Variants in CALN1 observed in about 807,000 individuals in gnomAD.
CALN1 encodes calneuron 1, also known as calcium-binding protein 8.
Under a neutral mutation model 30.6 loss-of-function variants are expected in CALN1, and 17 were observed. The observed-to-expected ratio is 0.56, with a 90% CI of 0.38 to 0.83. The LOEUF (loss-of-function observed/expected upper bound fraction) is 0.83. Ranked by LOEUF, CALN1 falls within the 40% of genes least tolerant of loss-of-function variation. CALN1 has a pLI of 0.00. For missense variants in CALN1, 291 were observed against 354.9 expected, an observed-to-expected ratio of 0.82 and a Z score of 1.45; for synonymous variants, 156 against 131.4, an observed-to-expected ratio of 1.19 and a Z score of -1.28.
intron 3 of CALN1, among the ~76,000 whole-genome samples, chr7:72,151,977 C>T (rs1041748293): frequency 2.1e-5 from 3 of 144,966 alleles, no homozygotes; most frequent in Non-Finnish European, 4.5e-5. Context: ...GGCGTGATTT[C>T]GGCTCACTGT....
intron 4 of CALN1, among the ~76,000 whole-genome samples, chr7:72,095,337 C>T (rs1806148131): frequency 1.3e-5 from 2 of 152,062 alleles, no homozygotes; most frequent in African/African-American, 4.8e-5. Context: ...TTATTGGGGT[C>T]CTGGTGAGCA....
At chr7:72,111,018 T>C (rs1056085956) in intron 3 of CALN1, among the ~76,000 whole-genome samples, 1 of 152,208 alleles carries the variant, frequency 6.6e-6, no homozygotes, top group Non-Finnish European at 1.5e-5. Flanking sequence ...AGTAATGTTG[T>C]GTGCTTTTCA....
chr7:72,254,363 G>A (rs1795769818), intron 3 of CALN1, among the ~76,000 whole-genome samples: 1 of 152,120 alleles, frequency 6.6e-6, no homozygotes, highest in Non-Finnish European at 1.5e-5. Flanking sequence ...GATTGTTTGA[G>A]TGTACTTGAT....
chr7:72,200,907 C>T (rs1791372513), intron 3 of CALN1, among the ~76,000 whole-genome samples: 1 of 152,168 alleles, frequency 6.6e-6, no homozygotes, highest in African/African-American at 2.4e-5. Context: ...AATTATCATT[C>T]CATCCAGCAA....
chr7:71,854,971 G>A (rs12699105), intron 5 of CALN1, among the ~76,000 whole-genome samples: 26,394 of 152,068 alleles, frequency 0.17, 2,776 homozygotes, highest in Non-Finnish European at 0.22. Context: ...AACCCTGTCT[G>A]GACAAGGGCT....
chr7:72,329,949 G>A (rs1037873994), intron 2 of CALN1, among the ~76,000 whole-genome samples: 6 of 149,438 alleles, frequency 4.0e-5, no homozygotes, highest in Admixed American at 6.7e-5. Context: ...GCAAGACTCC[G>A]TCTCAAAAAA....
At chr7:71,963,133 C>T (rs983304246) in intron 5 of CALN1, among the ~76,000 whole-genome samples, 32 of 152,070 alleles carry the variant, frequency 2.1e-4, no homozygotes, top group Non-Finnish European at 1.2e-4. Context: ...CTGTACTAAA[C>T]AGTAAGCTCT....
intron 5 of CALN1, among the ~76,000 whole-genome samples, chr7:71,822,847 T>TG (rs1314514982): frequency 2.6e-4 from 39 of 152,250 alleles, no homozygotes; most frequent in African/African-American, 9.4e-4. Context: ...GAATAGTATT[T>TG]GGAGTCTGCA....
At chr7:72,432,813 G>C (rs1483357733) in intron 1 of CALN1, among the ~76,000 whole-genome samples, 1 of 152,142 alleles carries the variant, frequency 6.6e-6, no homozygotes, top group African/African-American at 2.4e-5. Flanking sequence ...GCAAGCACCA[G>C]CTCTCACATC....
At chr7:72,186,885 C>CTTTT (rs34604151) in intron 3 of CALN1, among the ~76,000 whole-genome samples, 10 of 61,318 alleles carry the variant, frequency 1.6e-4, no homozygotes, top group Non-Finnish European at 2.5e-4. Flanking sequence ...GAGTGCAGAG[C>CTTTT]TTTTTTTTTT....
intron 2 of CALN1, among the ~76,000 whole-genome samples, chr7:72,347,095 G>A (rs1368098982): frequency 6.6e-6 from 1 of 152,078 alleles, no homozygotes; most frequent in Non-Finnish European, 1.5e-5. Context: ...ATGCAATGCT[G>A]GCTGAGAATT....
chr7:72,234,787 G>A (rs1374057124), intron 3 of CALN1, among the ~76,000 whole-genome samples: 1 of 152,164 alleles, frequency 6.6e-6, no homozygotes, highest in East Asian at 1.9e-4. Flanking sequence ...GTGGAGAACA[G>A]AGGCCATCTC....
At chr7:72,467,395 G>A in the CALN1 span, among the ~76,000 whole-genome samples, 1 of 152,178 alleles carries the variant, frequency 6.6e-6, no homozygotes. Context: ...GTCAGCTCGG[G>A]CTGTAAGAGG....
intron 4 of CALN1, among the ~76,000 whole-genome samples, chr7:72,042,535 T>C (rs1802192630): frequency 6.6e-6 from 1 of 152,136 alleles, no homozygotes; most frequent in African/African-American, 2.4e-5. Flanking sequence ...GAGCTGGTCA[T>C]GCAGGCACTC....
intron 5 of CALN1, among the ~76,000 whole-genome samples, chr7:72,000,840 T>G (rs539504846): frequency 6.6e-6 from 1 of 152,212 alleles, no homozygotes; most frequent in Non-Finnish European, 1.5e-5. Context: ...TCATACACCA[T>G]GACTGTTACA....
At chr7:72,227,550 GAA>G (rs1052171055) in intron 3 of CALN1, among the ~76,000 whole-genome samples, 380 of 33,650 alleles carry the variant, frequency 0.011, 4 homozygotes, top group African/African-American at 0.035. Flanking sequence ...AAAAAAAAAA[GAA>G]AAAAAAGAAA....
intron 3 of CALN1, among the ~76,000 whole-genome samples, chr7:72,270,542 T>TGG (rs960256737): frequency 3.3e-5 from 5 of 152,032 alleles, no homozygotes; most frequent in African/African-American, 1.2e-4. Context: ...GAGACTGAGG[T>TGG]GGGAGGATTA....
chr7:71,861,384 T>G (rs1353408878), intron 5 of CALN1, among the ~76,000 whole-genome samples: 1 of 152,138 alleles, frequency 6.6e-6, no homozygotes, highest in African/African-American at 2.4e-5. Flanking sequence ...AAAATCTCTT[T>G]TTTAATCCCT....
At chr7:72,405,806 T>C (rs1004479553) in intron 1 of CALN1, among the ~76,000 whole-genome samples, 2 of 152,176 alleles carry the variant, frequency 1.3e-5, no homozygotes, top group Non-Finnish European at 2.9e-5. Context: ...TGGTGGTAAA[T>C]GCATATTTCA....
Sources: allele counts gnomAD v4.1 joint callset (sites outside exome capture counted in the v4.1 genomes callset), GRCh38; gene constraint gnomAD v4.1.1; transcripts MANE v1.5; gene names NCBI Gene and HGNC (gene_info 2026-07-23, HGNC 2026-07-21).